The following DCTD variants were observed in gnomAD, a reference collection of about 807,000 sequenced individuals.
The protein encoded by DCTD is dCMP deaminase.
In DCTD, 23 loss-of-function variants were observed where a neutral mutation model predicts 21.0. That is an observed-to-expected ratio of 1.09 (90% CI 0.79 to 1.55). DCTD has a LOEUF of 1.55. DCTD is among the 40% of genes most tolerant of loss of function. DCTD has a pLI of 0.00. For synonymous variants in DCTD, 71 were observed against 81.1 expected, an observed-to-expected ratio of 0.88 and a Z score of 0.67; for missense variants, 224 against 230.0, an observed-to-expected ratio of 0.97 and a Z score of 0.17.
At chr4:182,916,848 T>C (rs1738831081) in intron 1 of DCTD, 1 of 1,052,660 alleles carries the variant, frequency 9.5e-7, no homozygotes, top group Non-Finnish European at 1.2e-6. Flanking sequence ...CTGTGAGGAC[T>C]GAGGCCCAGC....
In DCTD at chr4:182,891,304, T is replaced by C; in HGVS notation, c.*95A>G. ...AGATGCCTACTTTTGCCATACTGGC[T>C]AGTAAGAAGTTATGTGTAACTTCAA... On this transcript the variant is annotated 3_prime_UTR_variant, in exon 6 of 6. Transcript: ENST00000438320. The C allele has an allele frequency of 2.4e-6, 2 of 834,970 alleles. No individual in the cohort carries two copies. Among genetic ancestry groups the C allele is most frequent in the South Asian group, 2.9e-5 (2 of 70,130 alleles). The allele number at this position is 834,970 out of a possible 1,614,324, so 51.7% of individuals were successfully genotyped here.
At chr4:182,915,169 G>C in intron 2 of DCTD, 111 bp from the exon 3 acceptor site, 1 of 1,361,282 alleles carries the variant, frequency 7.3e-7, no homozygotes, top group East Asian at 2.3e-5. Flanking sequence ...ACGCATAGCT[G>C]CTGCAGGTGC....
chr4:182,910,721 A>C (rs1232053327), intron 3 of DCTD, among the ~76,000 whole-genome samples: 1 of 152,230 alleles, frequency 6.6e-6, no homozygotes, highest in Non-Finnish European at 1.5e-5. Context: ...TGGAATAAAA[A>C]GCTTCTTTAG....
chr4:182,895,888 A>G (rs1027726024), intron 3 of DCTD, among the ~76,000 whole-genome samples: 1 of 152,246 alleles, frequency 6.6e-6, no homozygotes, highest in African/African-American at 2.4e-5. Flanking sequence ...GGGTGATTCC[A>G]ACGTGCAGAC....
rs1049588869 is a variant in DCTD, at chr4:182,917,293, C to A, written c.-8+18G>T. 9.4e-6 allele frequency: 10 copies of A among 1,062,846 alleles called. No individual in the cohort carries two copies. Among genetic ancestry groups the A allele is most frequent in the Non-Finnish European group, 1.0e-5 (9 of 881,600 alleles). 65.8% of individuals were successfully genotyped at this position (1,062,846 alleles called of 1,614,324 possible). ...GGGGCGCGCGGGCCGCGTACCCGCACGGCTGGCCCCCGCCCACCATCCGGT... is the reference window on the plus strand; with the variant it reads ...GGGGCGCGCGGGCCGCGTACCCGCAAGGCTGGCCCCCGCCCACCATCCGGT... On this transcript the variant is annotated intron_variant, in intron 1 of 5. Coordinates refer to ENST00000438320, the MANE Select transcript of DCTD (RefSeq NM_001921.3). This position sits in a 1 kb window ranked among gnomAD's most constrained non-coding sequence, Gnocchi z 4.9.
In DCTD at chr4:182,897,772, G is replaced by C. The variant is rs1187382306; in HGVS notation, c.245-3167C>G. ...GGCTTGCCCGACCCGCACCTGCGGG[G>C]CTGAGGAGAGAAGCCCCAACCCAGA... On this transcript the variant is annotated intron_variant, in intron 3 of 5. Coordinates refer to ENST00000438320, the MANE Select transcript of DCTD (RefSeq NM_001921.3). Among the ~76,000 whole-genome samples, 7 of 152,188 alleles carry C rather than the reference G, an allele frequency of 4.6e-5. 1 individual carries two copies. The East Asian group carries it at 1.2e-3, about 25-fold the overall frequency.
chr4:182,894,447 G>A, intron 4 of DCTD, 42 bp downstream of exon 4: 2 of 1,171,588 alleles, frequency 1.7e-6, no homozygotes, highest in Non-Finnish European at 2.6e-6. Context: ...TGACGAGCAG[G>A]CAGCAATGCA....
intron 4 of DCTD, 119 bp downstream of exon 4, chr4:182,894,370 T>C (rs1217776640): frequency 3.1e-6 from 2 of 642,838 alleles, no homozygotes; most frequent in South Asian, 4.1e-5. Context: ...CTTGCAAAGC[T>C]GATAGTGCAA....
chr4:182,916,430 C>G (rs1307555722), intron 1 of DCTD: 1 of 985,452 alleles, frequency 1.0e-6, no homozygotes, highest in Non-Finnish European at 1.2e-6. Context: ...ACGGAGAAAT[C>G]TTGAGAAAGG....
At chr4:182,893,794 G>A (rs767430517) in intron 4 of DCTD, among the ~76,000 whole-genome samples, 9 of 152,232 alleles carry the variant, frequency 5.9e-5, no homozygotes, top group South Asian at 2.1e-4. Flanking sequence ...GGGAGCCCAC[G>A]CGACTCCTCA....
At chr4:182,908,312 GA>G (rs751914065) in intron 3 of DCTD, among the ~76,000 whole-genome samples, 10 of 152,168 alleles carry the variant, frequency 6.6e-5, no homozygotes, top group Admixed American at 1.3e-4. Flanking sequence ...TCAAGACTAT[GA>G]GAGTAATCAT....
intron 3 of DCTD, among the ~76,000 whole-genome samples, chr4:182,912,187 T>C (rs1737817693): frequency 1.3e-5 from 2 of 151,448 alleles, no homozygotes; most frequent in African/African-American, 4.9e-5. Context: ...GAGTCAATTA[T>C]CAGCAAACAT....
At chr4:182,895,893 G>A (rs556953214) in intron 3 of DCTD, among the ~76,000 whole-genome samples, 3 of 152,310 alleles carry the variant, frequency 2.0e-5, no homozygotes, top group African/African-American at 7.2e-5. Context: ...ATTCCAACGT[G>A]CAGACAAGTT....
At chr4:182,900,466 C>T (rs1197316134) in intron 3 of DCTD, among the ~76,000 whole-genome samples, 2 of 152,106 alleles carry the variant, frequency 1.3e-5, no homozygotes, top group East Asian at 3.8e-4. Flanking sequence ...CCTGGATGAA[C>T]TGCAGCAAGA....
intron 3 of DCTD, among the ~76,000 whole-genome samples, chr4:182,903,496 G>A (rs566360206): frequency 2.0e-5 from 3 of 152,274 alleles, no homozygotes; most frequent in East Asian, 3.9e-4. Context: ...GGAGAAACCC[G>A]CCGCATGCGT....
intron 3 of DCTD, among the ~76,000 whole-genome samples, chr4:182,910,544 T>C (rs1468164215): frequency 6.6e-6 from 1 of 152,038 alleles, no homozygotes; most frequent in African/African-American, 2.4e-5. Flanking sequence ...CTCATGAAAA[T>C]AAAAATCTTC....
In DCTD at chr4:182,890,846, C is replaced by G. The variant is rs534560268; in HGVS notation, c.*553G>C. ...TCAGGACAGATGTGCCACCCTATCT[C>G]GGATTCCGGGAGGGTGGCTGGGGGT... On this transcript the variant is annotated 3_prime_UTR_variant, in exon 6 of 6. Transcript: ENST00000438320. 1 of 152,818 alleles carries G rather than the reference C, an allele frequency of 6.5e-6. No homozygotes were observed. Among genetic ancestry groups the G allele is most frequent in the Admixed American group, 6.5e-5 (1 of 15,370 alleles). 9.5% of individuals were successfully genotyped at this position (152,818 alleles called of 1,614,324 possible). A position where few individuals can be genotyped will look rare whatever the true frequency, so the allele number is the denominator to read the frequency against.
rs1479537156 is a variant in DCTD, at chr4:182,915,111, C to T, written c.109-53G>A. On this transcript the variant is annotated intron_variant, in intron 2 of 5. Transcript: ENST00000438320. ...GTGCCTGCAACTGGCTGGTCTGCCG[C>T]TGTGGAAGCAGGGAATAAAACCAGG... The T allele has an allele frequency of 5.6e-6, 9 of 1,612,150 alleles. No individual in the cohort carries two copies. In the East Asian group the frequency reaches 1.8e-4, roughly 32 times the overall value.
chr4:182,891,582 G>T, intron 5 of DCTD, 105 bp from the exon 6 acceptor site: 1 of 765,120 alleles, frequency 1.3e-6, no homozygotes, highest in Non-Finnish European at 2.2e-6. Context: ...TATGTCCTGG[G>T]ATTCACTTGC....
Sources: gnomAD v4.1 joint callset for allele counts (sites outside exome capture counted in the v4.1 genomes callset) on GRCh38, gnomAD v4.1.1 for gene constraint, Gnocchi (gnomAD v3.1) non-coding constraint, MANE v1.5 for transcripts, NCBI Gene and HGNC (gene_info 2026-07-23, HGNC 2026-07-21) for gene names.